Variants in CTDSPL observed in about 807,000 individuals in gnomAD.
CTDSPL encodes the protein CTD small phosphatase like.
Under a neutral mutation model 30.5 loss-of-function variants are expected in CTDSPL, and 8 were observed. The ratio of observed to expected loss-of-function variants is 0.26; its 90% CI spans 0.15 to 0.47. CTDSPL has a LOEUF of 0.47. CTDSPL is among the 20% of genes least tolerant of loss of function. The pLI is 0.99. For missense variants in CTDSPL, 248 were observed against 366.1 expected, an observed-to-expected ratio of 0.68 and a Z score of 2.63; for synonymous variants, 110 against 137.9, an observed-to-expected ratio of 0.80 and a Z score of 1.42.
At chr3:37,897,189 A>T (rs1698398768) in intron 1 of CTDSPL, among the ~76,000 whole-genome samples, 1 of 152,226 alleles carries the variant, frequency 6.6e-6, no homozygotes, top group African/African-American at 2.4e-5. Context: ...GTCAGAACTC[A>T]TGAGCTGTTG....
chr3:37,907,588 C>T (rs1698533040), intron 1 of CTDSPL, among the ~76,000 whole-genome samples: 1 of 152,124 alleles, frequency 6.6e-6, no homozygotes. Context: ...GAGGACAGAG[C>T]ATTAAATGCC....
chr3:37,928,204 C>G (rs9878581), intron 1 of CTDSPL, among the ~76,000 whole-genome samples: 17,950 of 152,140 alleles, frequency 0.12, 1,130 homozygotes, highest in Middle Eastern at 0.16. Context: ...GTACAAATAG[C>G]TCTTCAGGAT....
intron 3 of CTDSPL, among the ~76,000 whole-genome samples, chr3:37,963,451 A>AT (rs758639393): frequency 1.3e-5 from 2 of 152,070 alleles, no homozygotes; most frequent in Admixed American, 6.5e-5. Flanking sequence ...GCTTGATTTC[A>AT]TTTTTTTCTT....
rs576313799 is a variant in CTDSPL, at chr3:37,976,851, GA to G, written c.705+961del. Among the ~76,000 whole-genome samples the G allele has an allele frequency of 3.7e-3, 570 of 152,096 alleles. 5 individuals are homozygous for G. The highest frequency in any genetic ancestry group is 0.011 in the African/African-American group (475 of 41,464). ...TGCCTGCTGCCTGACACTTCCAGGG[GA>G]AAAGAGGCCAACCAGGGCCTCTGGT... On this transcript the variant is annotated intron_variant, in intron 7 of 7. Coordinates refer to ENST00000273179, the MANE Select transcript of CTDSPL (RefSeq NM_001008392.2).
chr3:37,907,393 A>G (rs1698530728), intron 1 of CTDSPL, among the ~76,000 whole-genome samples: 1 of 152,258 alleles, frequency 6.6e-6, no homozygotes, highest in Non-Finnish European at 1.5e-5. Context: ...CATGAAAAAT[A>G]CATTCTTGAA....
chr3:37,921,252 T>C (rs898747365), intron 1 of CTDSPL, among the ~76,000 whole-genome samples: 1 of 152,198 alleles, frequency 6.6e-6, no homozygotes, highest in Non-Finnish European at 1.5e-5. Context: ...GAAAAGGATG[T>C]TGGAGACTGG....
chr3:37,951,551 G>A (rs904350457), intron 2 of CTDSPL, among the ~76,000 whole-genome samples: 1 of 151,998 alleles, frequency 6.6e-6, no homozygotes, highest in Non-Finnish European at 1.5e-5. Flanking sequence ...GTGTGGAGGT[G>A]TGCATTTATA....
chr3:37,923,456 ACTT>A (rs1698743902), intron 1 of CTDSPL, among the ~76,000 whole-genome samples: 1 of 152,178 alleles, frequency 6.6e-6, no homozygotes, highest in Non-Finnish European at 1.5e-5. Flanking sequence ...ATCACATGGT[ACTT>A]CTTATTCCAT....
intron 1 of CTDSPL, among the ~76,000 whole-genome samples, chr3:37,905,477 G>A (rs547363319): frequency 1.3e-5 from 2 of 152,156 alleles, no homozygotes; most frequent in South Asian, 4.2e-4. Flanking sequence ...TTTTTTCCAG[G>A]CCTGGGCAAC....
Position 37,980,922 on chromosome 3 carries a change from G to A in CTDSPL, c.*55G>A, listed in dbSNP as rs1699484778. ...CACTCTGGAACCTCTGGCCTCAGGG[G>A]ACCTGCCTGTCCTCAGCTCCCTGGG... On this transcript the variant is annotated 3_prime_UTR_variant, in exon 8 of 8. Transcript: ENST00000273179. 2.5e-6 allele frequency: 4 copies of A among 1,573,118 alleles called. No individual in the cohort carries two copies. Among genetic ancestry groups the A allele is most frequent in the Non-Finnish European group, 2.6e-6 (3 of 1,153,680 alleles).
Position 37,891,145 on chromosome 3 carries a change from G to A in CTDSPL, c.79+28867G>A, listed in dbSNP as rs186804775. Among the ~76,000 whole-genome samples the A allele has an allele frequency of 5.9e-5, 9 of 152,294 alleles. No individual in the cohort carries two copies. In the East Asian group the frequency reaches 1.7e-3, roughly 29 times the overall value. ...CTAGGCTGACTTGATCCAGTAATCA[G>A]TCTAGAGAACAGAGAATGAACCAGA... On this transcript the variant is annotated intron_variant, in intron 1 of 7. Coordinates refer to ENST00000273179, the MANE Select transcript of CTDSPL (RefSeq NM_001008392.2).
chr3:37,957,293 T>C (rs1280645674), intron 3 of CTDSPL, 150 bp downstream of exon 3: 1 of 563,272 alleles, frequency 1.8e-6, no homozygotes, highest in Non-Finnish European at 3.0e-6. Context: ...AAAAGAAAAC[T>C]GAAGCTGCAT....
At chr3:37,943,899 G>A (rs1428375588) in intron 1 of CTDSPL, among the ~76,000 whole-genome samples, 1 of 150,190 alleles carries the variant, frequency 6.7e-6, no homozygotes, top group East Asian at 1.9e-4. Context: ...TTTTCACATG[G>A]GCCTCCTCCG....
chr3:37,868,361 C>A (rs1698036130), intron 1 of CTDSPL, among the ~76,000 whole-genome samples: 2 of 151,952 alleles, frequency 1.3e-5, no homozygotes, highest in African/African-American at 4.8e-5. Flanking sequence ...TAGCCTATAG[C>A]TTGGCTTTTC....
chr3:37,950,018 G>A (rs553942516), intron 2 of CTDSPL, among the ~76,000 whole-genome samples: 1 of 152,366 alleles, frequency 6.6e-6, no homozygotes, highest in Non-Finnish European at 1.5e-5. Flanking sequence ...TAGCCAGAAG[G>A]AGCTGGCGGA....
chr3:37,920,349 T>C (rs1470339202), intron 1 of CTDSPL, among the ~76,000 whole-genome samples: 3 of 152,236 alleles, frequency 2.0e-5, no homozygotes, highest in Non-Finnish European at 2.9e-5. Context: ...CTGAGCACTG[T>C]TGGGGCAGCC....
At chr3:37,914,336 T>C (rs1017591033) in intron 1 of CTDSPL, among the ~76,000 whole-genome samples, 3 of 152,244 alleles carry the variant, frequency 2.0e-5, no homozygotes, top group Admixed American at 2.0e-4. Flanking sequence ...CTGTGAATTA[T>C]TCTCCTTTTC....
At chr3:37,972,902 G>A (rs1699383757) in intron 6 of CTDSPL, among the ~76,000 whole-genome samples, 1 of 152,252 alleles carries the variant, frequency 6.6e-6, no homozygotes, top group Non-Finnish European at 1.5e-5. Flanking sequence ...CCTGTCTCCA[G>A]GACATCACAC....
At chr3:37,912,539 C>T (rs997392422) in intron 1 of CTDSPL, among the ~76,000 whole-genome samples, 2 of 152,230 alleles carry the variant, frequency 1.3e-5, no homozygotes, top group South Asian at 4.1e-4. Flanking sequence ...TGATGCTAGC[C>T]GAGGCCAGCT....
Sources: allele counts gnomAD v4.1 joint callset (sites outside exome capture counted in the v4.1 genomes callset), GRCh38; gene constraint gnomAD v4.1.1; transcripts MANE v1.5; gene names NCBI Gene and HGNC (gene_info 2026-07-23, HGNC 2026-07-21).